The following DOCK5 variants were observed in gnomAD, a reference collection of about 807,000 sequenced individuals.
DOCK5 encodes the protein dedicator of cytokinesis 5.
DOCK5 carries 142 observed loss-of-function variants against 251.8 expected under a neutral mutation model. The observed-to-expected ratio is 0.56, with a 90% CI of 0.49 to 0.65. DOCK5 has a LOEUF of 0.65. Among genes scored for constraint, DOCK5 ranks in the 30% least tolerant of loss-of-function variants. DOCK5 has a pLI of 0.00. For missense variants in DOCK5, 2,111 were observed against 2,312.3 expected (o/e 0.91, Z 1.79); for synonymous variants, 842 against 835.5 (o/e 1.01, Z -0.13).
chr8:25,239,044 C>T (rs1003372538), intron 1 of DOCK5, among the ~76,000 whole-genome samples: 3 of 152,178 alleles, frequency 2.0e-5, no homozygotes, highest in Non-Finnish European at 4.4e-5. Context: ...CGCAGGTAAT[C>T]GGGAGCTAGT....
intron 5 of DOCK5, among the ~76,000 whole-genome samples, chr8:25,284,710 G>T (rs1004612669): frequency 6.6e-6 from 1 of 152,202 alleles, no homozygotes; most frequent in Non-Finnish European, 1.5e-5. Context: ...ACTTAGACAC[G>T]GTCGGATTCG....
At chr8:25,364,576 T>A (rs2117273169) in intron 29 of DOCK5, 50 bp from the exon 30 acceptor site, 1 of 1,386,604 alleles carries the variant, frequency 7.2e-7, no homozygotes, top group Non-Finnish European at 1.0e-6. Context: ...TGGGAAAAGG[T>A]TTCAAAGGAC....
chr8:25,239,871 G>A (rs1802898959), intron 1 of DOCK5, among the ~76,000 whole-genome samples: 1 of 152,198 alleles, frequency 6.6e-6, no homozygotes, highest in Non-Finnish European at 1.5e-5. Context: ...TGCCAGGAGT[G>A]CAGGAGAGCA....
rs185186053 is a variant in DOCK5 at position 25,288,541 on chromosome 8, C to G, written c.322-3483C>G. ...GAGACTAAGAACTTGTGCACATGTACCCCAAACAAAGCACTGTGTCACACA... is the reference window on the plus strand; with the variant it reads ...GAGACTAAGAACTTGTGCACATGTAGCCCAAACAAAGCACTGTGTCACACA... On this transcript the variant is annotated intron_variant, in intron 5 of 51. Coordinates refer to ENST00000276440, the MANE Select transcript of DOCK5 (RefSeq NM_024940.8). Among the ~76,000 whole-genome samples, 3 of 152,274 alleles carry G rather than the reference C, an allele frequency of 2.0e-5. No individual in the cohort carries two copies. In the East Asian group the frequency reaches 5.8e-4, roughly 29 times the overall value.
At position 25,368,666 on chromosome 8, in the gene DOCK5, A is replaced by G; in HGVS notation, c.3379A>G (p.Ile1127Val). 6.2e-7 allele frequency: 1 copy of G among 1,613,784 alleles called. No homozygotes were observed. Among genetic ancestry groups the G allele is most frequent in the Non-Finnish European group, 8.5e-7 (1 of 1,179,816 alleles). The part of the protein sequence containing the change: ...EVELRKATIP[I>V]FFDMMQCEFN... ...AGAGCTCCGGAAAGCCACAATCCCC[A>G]TTTTCTTTGATATGATGCAGTGTGA... Residue 1127 changes from isoleucine (I) to valine (V), a missense_variant, in exon 33 of 52, where the codon ATT (isoleucine) becomes GTT (valine). Ile to Val is a conservative substitution (Grantham distance 29). Coordinates refer to ENST00000276440, the MANE Select transcript of DOCK5 (RefSeq NM_024940.8).
intron 36 of DOCK5, 147 bp downstream of exon 36, chr8:25,373,805 G>A (rs978591381): frequency 3.8e-5 from 27 of 718,994 alleles, no homozygotes; most frequent in African/African-American, 3.4e-4. Context: ...ACCCTGAACC[G>A]ACAAACTCTT....
intron 27 of DOCK5, among the ~76,000 whole-genome samples, chr8:25,357,092 A>T (rs947145310): frequency 6.6e-6 from 1 of 151,880 alleles, no homozygotes; most frequent in Non-Finnish European, 1.5e-5. Flanking sequence ...GGGTGCAAAC[A>T]GCAACATGAG....
Position 25,332,352 on chromosome 8 carries a change from T to A in DOCK5, c.2001+4T>A, listed in dbSNP as rs1805702487. The A allele has an allele frequency of 6.2e-7, 1 of 1,606,802 alleles. No homozygotes were observed. Among genetic ancestry groups the A allele is most frequent in the South Asian group, 1.1e-5 (1 of 90,890 alleles). ...GGATGGAGGAGAGATTGTTAAGGTA[T>A]GTTTATATATTCATAGTTAGAAATA... On this transcript the variant is annotated splice_donor_region_variant and intron_variant, in intron 19 of 51. Transcript: ENST00000276440.
At chr8:25,271,162 G>C in intron 3 of DOCK5, 1 of 184,792 alleles carries the variant, frequency 5.4e-6, no homozygotes. Flanking sequence ...GATAAATTCT[G>C]GATTTTTTTT....
chr8:25,257,344 A>G (rs1401078108), intron 2 of DOCK5, among the ~76,000 whole-genome samples: 5 of 152,138 alleles, frequency 3.3e-5, no homozygotes, highest in African/African-American at 4.8e-5. Flanking sequence ...CTTTTAATCA[A>G]TGTGGAGATT....
chr8:25,348,693 C>T (rs1485899282), intron 26 of DOCK5, among the ~76,000 whole-genome samples: 2 of 152,068 alleles, frequency 1.3e-5, no homozygotes, highest in African/African-American at 2.4e-5. Context: ...CAAAAATTAG[C>T]TGGGCGTGGT....
chr8:25,382,165 T>C (rs562545711), intron 39 of DOCK5, among the ~76,000 whole-genome samples: 2 of 152,194 alleles, frequency 1.3e-5, no homozygotes, highest in South Asian at 2.1e-4. Flanking sequence ...TTTGTAGAGA[T>C]GGAGTCTCAC....
chr8:25,317,194 C>T (rs2709627), intron 14 of DOCK5, 63 bp downstream of exon 14: 1,338,712 of 1,577,106 alleles, frequency 0.85, 569,091 homozygotes, highest in Non-Finnish European at 0.86. Context: ...ACGATAGAAT[C>T]TTGGCCGTAT....
intron 13 of DOCK5, among the ~76,000 whole-genome samples, chr8:25,316,141 G>A: frequency 6.6e-6 from 1 of 152,100 alleles, no homozygotes; most frequent in East Asian, 1.9e-4. Context: ...GCAGCAGAAA[G>A]CATTCTTTCA....
intron 41 of DOCK5, among the ~76,000 whole-genome samples, chr8:25,389,932 T>C (rs1327356000): frequency 3.3e-5 from 5 of 152,068 alleles, no homozygotes; most frequent in East Asian, 3.9e-4. Context: ...TTTCCTGATA[T>C]TGCATTGATG....
chr8:25,334,400 A>T (rs1346875990), intron 21 of DOCK5, among the ~76,000 whole-genome samples: 1 of 152,226 alleles, frequency 6.6e-6, no homozygotes, highest in African/African-American at 2.4e-5. Flanking sequence ...CAGGGCCTTC[A>T]TTCTGGATCA....
intron 27 of DOCK5, among the ~76,000 whole-genome samples, chr8:25,355,012 T>C (rs911031094): frequency 6.6e-6 from 1 of 152,156 alleles, no homozygotes; most frequent in African/African-American, 2.4e-5. Flanking sequence ...GGCAGGAGTA[T>C]TGCTTAAAGC....
intron 22 of DOCK5, 85 bp downstream of exon 22, chr8:25,336,458 C>T (rs1805811778): frequency 6.7e-7 from 1 of 1,500,038 alleles, no homozygotes; most frequent in Admixed American, 1.8e-5. Context: ...TGGTGTTCAG[C>T]TCTGTGAGCA....
intron 6 of DOCK5, among the ~76,000 whole-genome samples, chr8:25,295,058 A>G (rs1185698897): frequency 1.3e-5 from 2 of 152,206 alleles, no homozygotes; most frequent in African/African-American, 2.4e-5. Context: ...TCCAAACCAT[A>G]TCAAGAGCTA....
Sources: allele counts gnomAD v4.1 joint callset (sites outside exome capture counted in the v4.1 genomes callset), GRCh38; gene constraint gnomAD v4.1.1; transcripts MANE v1.5; gene names NCBI Gene and HGNC (gene_info 2026-07-23, HGNC 2026-07-21).